Variants in PNPLA7 observed in about 807,000 individuals in gnomAD.
PNPLA7 encodes the protein patatin-like phospholipase domain-containing protein 7.
PNPLA7 carries 153 observed loss-of-function variants against 161.7 expected under a neutral mutation model. The ratio of observed to expected loss-of-function variants is 0.95; its 90% confidence interval spans 0.83 to 1.08. The LOEUF is 1.08. PNPLA7 is among the 50% of genes least tolerant of loss of function. The pLI, the probability that PNPLA7 is intolerant of heterozygous loss-of-function variation, is 0.00. For synonymous variants in PNPLA7, 809 were observed against 782.1 expected (o/e 1.03, Z -0.57); for missense variants, 1,739 against 1,856.6 (o/e 0.94, Z 1.16).
At chr9:137,480,285 A>T in intron 23 of PNPLA7, 27 bp downstream of exon 23, 1 of 1,604,802 alleles carries the variant, frequency 6.2e-7, no homozygotes, top group East Asian at 2.2e-5. Context: ...GGCTCTCCCC[A>T]GCTCCACCGG....
At chr9:137,482,399 CA>C (rs1228582326) in intron 21 of PNPLA7, among the ~76,000 whole-genome samples, 4 of 152,170 alleles carry the variant, frequency 2.6e-5, no homozygotes, top group African/African-American at 7.2e-5. Context: ...GACTCAGCAC[CA>C]AAAAGAACTG....
chr9:137,540,947 C>A lies in PNPLA7; in HGVS notation c.667-225G>T, dbSNP rs2132621015. 2.0e-6 allele frequency: 1 copy of A among 510,958 alleles called. No homozygotes were observed. Among genetic ancestry groups the A allele is most frequent in the East Asian group, 3.5e-5 (1 of 28,750 alleles). 31.7% of individuals were successfully genotyped at this position (510,958 alleles called of 1,614,324 possible). A position where few individuals can be genotyped will look rare whatever the true frequency, so the allele number is the denominator to read the frequency against. On this transcript the variant is annotated intron_variant, in intron 7 of 34. Coordinates refer to ENST00000406427, the MANE Select transcript of PNPLA7 (RefSeq NM_001098537.3). This position sits in a 1 kb window ranked among gnomAD's most constrained non-coding sequence, Gnocchi z 5.1. ...AGCAAGGAAAACAGACGGAGGAGAC[C>A]CCACCTCTCCATCCCATGACTCGTC...
chr9:137,477,903 G>T, intron 25 of PNPLA7, 131 bp downstream of exon 25: 6 of 721,432 alleles, frequency 8.3e-6, no homozygotes, highest in Non-Finnish European at 1.2e-5. Flanking sequence ...GCTGGGTCTG[G>T]ACAGGCGGCC....
chr9:137,545,251 T>C (rs371634878), intron 4 of PNPLA7, among the ~76,000 whole-genome samples: 59 of 152,244 alleles, frequency 3.9e-4, no homozygotes, highest in African/African-American at 1.4e-3. Context: ...CACCCAGACA[T>C]TCAAAGTGAG....
At chr9:137,529,950 C>T (rs1440304627) in intron 8 of PNPLA7, among the ~76,000 whole-genome samples, 1 of 151,564 alleles carries the variant, frequency 6.6e-6, no homozygotes, top group Non-Finnish European at 1.5e-5. Flanking sequence ...TGAGCCACCG[C>T]GCCCAGCCTG....
chr9:137,538,831 C>T (rs1198770052), intron 8 of PNPLA7, among the ~76,000 whole-genome samples: 3 of 151,960 alleles, frequency 2.0e-5, no homozygotes, highest in African/African-American at 7.3e-5. Flanking sequence ...GTAGGTGGCT[C>T]ACTTGAGGTC....
At chr9:137,492,755 C>T (rs1417879185) in intron 20 of PNPLA7, among the ~76,000 whole-genome samples, 2 of 12,018 alleles carry the variant, frequency 1.7e-4, no homozygotes, top group South Asian at 2.8e-3. Flanking sequence ...CTGGGTGGGC[C>T]GGGCTTCATG....
chr9:137,464,016 C>T, intron 28 of PNPLA7, 110 bp downstream of exon 28: 3 of 1,212,196 alleles, frequency 2.5e-6, no homozygotes, highest in Non-Finnish European at 2.3e-6. Flanking sequence ...GCCCATACGT[C>T]TGCATCCTTC....
intron 20 of PNPLA7, 151 bp from the exon 21 acceptor site, chr9:137,484,887 G>C: frequency 2.0e-6 from 2 of 979,412 alleles, no homozygotes; most frequent in Non-Finnish European, 2.9e-6. Flanking sequence ...GAGGCTGCCT[G>C]GCCCTCCCGC....
intron 8 of PNPLA7, 51 bp from the exon 9 acceptor site, chr9:137,522,908 C>T (rs61737628): frequency 1.9e-6 from 3 of 1,599,208 alleles, no homozygotes; most frequent in African/African-American, 1.3e-5. Context: ...GCCAACCCCC[C>T]AGGGAATGCC....
chr9:137,474,315 A>G (rs772145123), intron 25 of PNPLA7, among the ~76,000 whole-genome samples: 17 of 152,194 alleles, frequency 1.1e-4, no homozygotes, highest in Non-Finnish European at 1.9e-4. Flanking sequence ...CCAACTGTGC[A>G]TCGACAGGAA....
intron 19 of PNPLA7, among the ~76,000 whole-genome samples, chr9:137,493,657 C>T (rs1832890111): frequency 6.6e-6 from 1 of 152,242 alleles, no homozygotes; most frequent in African/African-American, 2.4e-5. Flanking sequence ...CCGCACTGTC[C>T]CCCAGAAGCT....
intron 11 of PNPLA7, among the ~76,000 whole-genome samples, chr9:137,516,768 G>A (rs955499552): frequency 6.6e-6 from 1 of 151,770 alleles, no homozygotes; most frequent in Non-Finnish European, 1.5e-5. Context: ...CAGTGAGCCA[G>A]TACCACACCA....
At chr9:137,533,080 A>G (rs1204837396) in intron 8 of PNPLA7, among the ~76,000 whole-genome samples, 4 of 148,520 alleles carry the variant, frequency 2.7e-5, no homozygotes, top group African/African-American at 1.0e-4. Flanking sequence ...GCACTCTCAG[A>G]CTCCTCAGTG....
intron 20 of PNPLA7, among the ~76,000 whole-genome samples, chr9:137,488,555 G>A (rs1250961553): frequency 6.6e-6 from 1 of 152,170 alleles, no homozygotes; most frequent in Non-Finnish European, 1.5e-5. Context: ...GCTGGCCGGG[G>A]ACCTCGGACT....
At chr9:137,516,843 A>G (rs1209624818) in intron 11 of PNPLA7, among the ~76,000 whole-genome samples, 4 of 150,324 alleles carry the variant, frequency 2.7e-5, no homozygotes, top group Non-Finnish European at 5.9e-5. Flanking sequence ...AATTATTATT[A>G]TTATTATAAA....
intron 21 of PNPLA7, among the ~76,000 whole-genome samples, chr9:137,481,528 C>T (rs964718813): frequency 2.0e-5 from 3 of 152,192 alleles, no homozygotes; most frequent in Admixed American, 1.3e-4. Flanking sequence ...CCAGTGTCAG[C>T]CCTGGCATCA....
intron 9 of PNPLA7, 56 bp downstream of exon 9, chr9:137,522,673 G>A (rs2132494662): frequency 1.3e-6 from 2 of 1,597,420 alleles, no homozygotes; most frequent in East Asian, 2.2e-5. Flanking sequence ...CCAGTGCCCA[G>A]GCCCCCCCAG....
intron 21 of PNPLA7, 65 bp downstream of exon 21, chr9:137,484,522 C>T (rs946042702): frequency 1.9e-5 from 28 of 1,485,690 alleles, no homozygotes; most frequent in African/African-American, 1.7e-4. Context: ...AGAGGGCAGC[C>T]GGCAGGCGCC....
Sources: gnomAD v4.1 joint callset for allele counts (sites outside exome capture counted in the v4.1 genomes callset) on GRCh38, gnomAD v4.1.1 for gene constraint, Gnocchi (gnomAD v3.1) non-coding constraint, MANE v1.5 for transcripts, NCBI Gene and HGNC (gene_info 2026-07-23, HGNC 2026-07-21) for gene names.